The following TSPAN32 variants were observed in gnomAD, a reference collection of about 807,000 sequenced individuals.
TSPAN32 encodes tetraspanin 32.
A neutral mutation model predicts 42.7 loss-of-function variants in TSPAN32; 47 were observed. That is an observed-to-expected ratio of 1.10 (90% CI 0.87 to 1.40). The LOEUF is 1.40. Ranked by LOEUF, TSPAN32 falls within the 40% of genes most tolerant of loss-of-function variation. The pLI, the probability that TSPAN32 is intolerant of heterozygous loss-of-function variation, is 0.00. For synonymous variants in TSPAN32, 175 were observed against 175.9 expected (o/e 0.99, Z 0.04); for missense variants, 469 against 424.1 (o/e 1.11, Z -0.93).
rs759111860 is a variant in TSPAN32 at position 2,317,432 on chromosome 11, A to G, written c.808A>G (p.Ile270Val). The change falls in exon 9 of 10, where the codon ATT (isoleucine) becomes GTT (valine). Residue 270 changes from isoleucine (I) to valine (V), a missense_variant. Physicochemically the swap from Ile to Val is conservative, Grantham distance 29. Coordinates refer to ENST00000182290, the MANE Select transcript of TSPAN32 (RefSeq NM_139022.3). This position sits in a 1 kb window ranked among gnomAD's most constrained non-coding sequence, Gnocchi z 6.2. The part of the protein sequence containing the change: ...THCLHSEAVA[I>V]GPRGCSGSLR... ...TTGTCTCCACTCCGAAGCAGTTGCT[A>G]TTGGTCCAAGAGGATGCTCGGGTAG... 3.1e-6 allele frequency: 5 copies of G among 1,604,060 alleles called. No homozygotes were observed. The East Asian group carries it at 6.7e-5, about 22-fold the overall frequency.
chr11:2,306,544 G>GGAGAGAGA (rs34446612), intron 3 of TSPAN32, among the ~76,000 whole-genome samples: 1 of 149,826 alleles, frequency 6.7e-6, no homozygotes, highest in Non-Finnish European at 1.5e-5. Flanking sequence ...GGTGGTGGGG[G>GGAGAGAGA]GAGAGAGAGA....
At chr11:2,312,606 T>C (rs1848526993) in intron 4 of TSPAN32, among the ~76,000 whole-genome samples, 1 of 152,216 alleles carries the variant, frequency 6.6e-6, no homozygotes, top group African/African-American at 2.4e-5. Context: ...GAGCCTCCAC[T>C]GCCCACTGCC....
rs1847941873 is a variant in TSPAN32 at position 2,304,306 on chromosome 11, G to A, written c.279+102G>A. 5.9e-6 allele frequency: 5 copies of A among 848,528 alleles called. No homozygotes were observed. The highest frequency in any genetic ancestry group is 8.8e-6 in the Non-Finnish European group (5 of 567,208). 52.6% of individuals were successfully genotyped at this position (848,528 alleles called of 1,614,324 possible). A position where few individuals can be genotyped will look rare whatever the true frequency, so the allele number is the denominator to read the frequency against. On this transcript the variant is annotated intron_variant, in intron 3 of 9. Coordinates refer to ENST00000182290, the MANE Select transcript of TSPAN32 (RefSeq NM_139022.3). The surrounding 1 kb of genome is among the most constrained non-coding windows in gnomAD (Gnocchi z 4.8). Reference sequence around the variant, plus strand: ...TGCCACCCCCACACCTGAGTGACCAGGCAGAACCAGAGGCCCCAGGGATGC... The same window carrying A: ...TGCCACCCCCACACCTGAGTGACCAAGCAGAACCAGAGGCCCCAGGGATGC...
rs146837754 is a variant in TSPAN32, at chr11:2,317,409, G to T, written c.785G>T (p.Cys262Phe). Residue 262 changes from cysteine to phenylalanine, a missense_variant, in exon 9 of 10, where the codon TGT becomes TTT. Cys to Phe is a radical substitution (Grantham distance 205). Transcript: ENST00000182290. This position sits in a 1 kb window ranked among gnomAD's most constrained non-coding sequence, Gnocchi z 6.2. The part of the protein sequence containing the change: ...LRCSQGGPTH[C>F]LHSEAVAIGP... ...TGCTCCCAGGGTGGACCCACACATT[G>T]TCTCCACTCCGAAGCAGTTGCTATT... is the stretch of plus-strand genomic sequence containing the variant. 29 of 1,601,884 alleles carry T rather than the reference G, an allele frequency of 1.8e-5. 1 individual carries two copies. In the South Asian group the frequency reaches 3.2e-4, roughly 17 times the overall value.
intron 4 of TSPAN32, chr11:2,309,460 G>C: frequency 2.3e-6 from 1 of 434,022 alleles, no homozygotes; most frequent in East Asian, 7.3e-5. Flanking sequence ...AGCAGAGAAT[G>C]AGAGCTCGGT....
At chr11:2,315,994 G>A (rs1163387747) in intron 6 of TSPAN32, 1 of 1,533,514 alleles carries the variant, frequency 6.5e-7, no homozygotes, top group Admixed American at 2.0e-5. Flanking sequence ...CACCGGCCGG[G>A]CCCAGGGCAG....
Position 2,308,725 on chromosome 11 carries a change from T to C in TSPAN32, c.280-11T>C, listed in dbSNP as rs1247976142. 2 of 1,528,672 alleles carry C rather than the reference T, an allele frequency of 1.3e-6. No homozygotes were observed. The highest frequency in any genetic ancestry group is 5.1e-5 in the East Asian group (2 of 39,220). The allele number at this position is 1,528,672 out of a possible 1,614,324, so 94.7% of individuals were successfully genotyped here. Reference sequence around the variant, plus strand: ...AGCCCTCAACAGTGACCAGCCCCGCTCTGCCCCCAGGGCTTCCTGTGCTTC... The same window carrying C: ...AGCCCTCAACAGTGACCAGCCCCGCCCTGCCCCCAGGGCTTCCTGTGCTTC... On this transcript the variant is annotated splice_polypyrimidine_tract_variant and intron_variant, in intron 3 of 9. Transcript: ENST00000182290.
chr11:2,302,813 G>A, intron 1 of TSPAN32, 31 bp from the exon 2 acceptor site: 2 of 1,591,394 alleles, frequency 1.3e-6, no homozygotes, highest in Non-Finnish European at 1.7e-6. Context: ...GCAGTCCCAT[G>A]CCCCACACTC....
intron 1 of TSPAN32, among the ~76,000 whole-genome samples, chr11:2,302,501 G>A (rs564514960): frequency 1.3e-5 from 2 of 152,248 alleles, no homozygotes; most frequent in East Asian, 1.9e-4. Context: ...ACTGGCTGCC[G>A]GGCTCCAGGG....
At chr11:2,305,360 C>T (rs1848011666) in intron 3 of TSPAN32, among the ~76,000 whole-genome samples, 1 of 128,300 alleles carries the variant, frequency 7.8e-6, no homozygotes, top group Non-Finnish European at 1.6e-5. Context: ...GATGACAAGG[C>T]AGGTAGTCTG....
At position 2,317,881 on chromosome 11, in the gene TSPAN32, G is replaced by C. The variant is rs140477675; in HGVS notation, c.920G>C (p.Arg307Pro). 9 of 1,496,468 alleles carry C rather than the reference G, an allele frequency of 6.0e-6. No homozygotes were observed. The highest frequency in any genetic ancestry group is 8.4e-6 in the Non-Finnish European group (9 of 1,073,036). 92.7% of individuals were successfully genotyped at this position (1,496,468 alleles called of 1,614,324 possible). Residue 307 changes from arginine (R) to proline (P), a missense_variant, in exon 10 of 10, where the codon CGC becomes CCC. Transcript: ENST00000182290. This position sits in a 1 kb window ranked among gnomAD's most constrained non-coding sequence, Gnocchi z 6.2. The stretch of plus-strand genomic sequence containing the variant: ...CTCGCAGCTCTCCAGGGCAGAAGTC[G>C]CGGTGGGCTCAGTGGGTGCCCTGAG... ...AAHRALQGRS[R>P]GGLSGCPERG...
intron 1 of TSPAN32, chr11:2,302,643 G>A: frequency 1.7e-6 from 1 of 594,176 alleles, no homozygotes; most frequent in Non-Finnish European, 3.0e-6. Flanking sequence ...TACCATGTGG[G>A]GGTGCCTGTG....
rs544769405 is a variant in TSPAN32 at position 2,317,593 on chromosome 11, A to T, written c.901+68A>T. ...GGAGGGTCCGAGCTGTGAGGAGGGA[A>T]GGGAGTGAAGGCCCAGCCAGAGAGC... On this transcript the variant is annotated intron_variant, in intron 9 of 9. Coordinates refer to ENST00000182290, the MANE Select transcript of TSPAN32 (RefSeq NM_139022.3). The surrounding 1 kb of genome is among the most constrained non-coding windows in gnomAD (Gnocchi z 6.2). The T allele has an allele frequency of 2.2e-5, 34 of 1,514,384 alleles. No homozygotes were observed. The African/African-American group carries it at 4.6e-4, about 20-fold the overall frequency. The allele number at this position is 1,514,384 out of a possible 1,614,324, so 93.8% of individuals were successfully genotyped here.
In TSPAN32 at chr11:2,317,165, C is replaced by T. The variant is rs1660723835; in HGVS notation, c.720-179C>T. On this transcript the variant is annotated intron_variant, in intron 8 of 9. Coordinates refer to ENST00000182290, the MANE Select transcript of TSPAN32 (RefSeq NM_139022.3). The surrounding 1 kb of genome is among the most constrained non-coding windows in gnomAD (Gnocchi z 6.2). Reference sequence around the variant, plus strand: ...TGCATTCTACAATAGCCTCACAGTCCCGTCTAGAACATTCTGCAACAGCCT... The same window carrying T: ...TGCATTCTACAATAGCCTCACAGTCTCGTCTAGAACATTCTGCAACAGCCT... Among the ~76,000 whole-genome samples, 1 of 152,146 alleles carries T rather than the reference C, an allele frequency of 6.6e-6. No individual in the cohort carries two copies. Among genetic ancestry groups the T allele is most frequent in the Admixed American group, 6.5e-5 (1 of 15,274 alleles).
intron 3 of TSPAN32, among the ~76,000 whole-genome samples, chr11:2,305,225 C>A (rs1848005149): frequency 6.6e-6 from 1 of 152,236 alleles, no homozygotes; most frequent in Non-Finnish European, 1.5e-5. Flanking sequence ...CCATGGTGGG[C>A]AGAGGAGGAC....
intron 2 of TSPAN32, 85 bp downstream of exon 2, chr11:2,303,043 C>A (rs1847858157): frequency 1.6e-6 from 2 of 1,272,022 alleles, no homozygotes; most frequent in Non-Finnish European, 2.2e-6. Context: ...CGCCTCACAG[C>A]CAGAATGGTG....
Position 2,313,850 on chromosome 11 carries a change from C to T in TSPAN32, c.456+95C>T. 1 of 1,037,276 alleles carries T rather than the reference C, an allele frequency of 9.6e-7. No individual in the cohort carries two copies. 64.3% of individuals were successfully genotyped at this position (1,037,276 alleles called of 1,614,324 possible). On this transcript the variant is annotated intron_variant, in intron 5 of 9. Coordinates refer to ENST00000182290, the MANE Select transcript of TSPAN32 (RefSeq NM_139022.3). This position sits in a 1 kb window ranked among gnomAD's most constrained non-coding sequence, Gnocchi z 9.1. ...CAGGGTGGCCAGTGAGAGGTCTGGC[C>T]AGGCACCGAGGGGGTTCCAGGACAC...
At chr11:2,315,652 C>T in intron 6 of TSPAN32, 1 of 1,188,922 alleles carries the variant, frequency 8.4e-7, no homozygotes, top group South Asian at 1.5e-5. Flanking sequence ...CTGCGGAGGC[C>T]TCCACAGGCC....
intron 8 of TSPAN32, among the ~76,000 whole-genome samples, chr11:2,316,879 TG>T (rs1351459838): frequency 2.0e-5 from 3 of 152,058 alleles, no homozygotes; most frequent in Non-Finnish European, 4.4e-5. Flanking sequence ...ATGGCCCACA[TG>T]GGGACCCCCC....
Sources: gnomAD v4.1 joint callset for allele counts (sites outside exome capture counted in the v4.1 genomes callset) on GRCh38, gnomAD v4.1.1 for gene constraint, Gnocchi (gnomAD v3.1) non-coding constraint, MANE v1.5 for transcripts, NCBI Gene and HGNC (gene_info 2026-07-23, HGNC 2026-07-21) for gene names.